Variants in CST3 observed in about 807,000 individuals in gnomAD.
CST3 encodes cystatin-C.
A neutral mutation model predicts 9.0 loss-of-function variants in CST3; 14 were observed. The ratio of observed to expected loss-of-function variants is 1.56; its 90% CI spans 1.03 to 2.44. The LOEUF (loss-of-function observed/expected upper bound fraction) is 2.44. Among genes scored for constraint, CST3 ranks in the 30% most tolerant of loss-of-function variants. CST3 has a pLI of 0.00. For synonymous variants in CST3, 96 were observed against 90.2 expected (o/e 1.06, Z -0.37); for missense variants, 237 against 204.3 (o/e 1.16, Z -0.98).
rs1285248919 is a variant in CST3 at position 23,637,835 on chromosome 20, G to A, written c.28C>T (p.Leu10Phe). The change falls in exon 1 of 3, where the codon CTC becomes TTC. Residue 10 changes from leucine to phenylalanine, a missense_variant. Physicochemically the swap from Leu to Phe is conservative, Grantham distance 22 (BLOSUM62 0). Transcript: ENST00000376925. MAGPLRAPL[L>F]LLAILAVALA... The stretch of plus-strand genomic sequence containing the variant: ...GCCACGGCCAGGATGGCCAGCAGGA[G>A]CAGCGGGGCGCGCAGGGGCCCGGCC... 6.9e-7 allele frequency: 1 copy of A among 1,450,184 alleles called. No individual in the cohort carries two copies. The highest frequency in any genetic ancestry group is 1.4e-5 in the South Asian group (1 of 69,016). 89.8% of individuals were successfully genotyped at this position (1,450,184 alleles called of 1,614,324 possible). A position where few individuals can be genotyped will look rare whatever the true frequency, so the allele number is the denominator to read the frequency against.
chr20:23,633,623 T>C (rs1027823831), downstream of CST3: 5 of 566,450 alleles, frequency 8.8e-6, no homozygotes, highest in African/African-American at 1.9e-5. Flanking sequence ...CCTGCCTGTG[T>C]GCACATCCCC....
Position 23,637,604 on chromosome 20 carries a change from G to A in CST3, c.243+16C>T. 6 of 1,507,734 alleles carry A rather than the reference G, an allele frequency of 4.0e-6. No homozygotes were observed. The highest frequency in any genetic ancestry group is 5.3e-6 in the Non-Finnish European group (6 of 1,128,512). The allele number at this position is 1,507,734 out of a possible 1,614,324, so 93.4% of individuals were successfully genotyped here. On this transcript the variant is annotated intron_variant, in intron 1 of 2. Transcript: ENST00000376925. ...GCGGGGCCGGGGCTTCGGACCCTGC[G>A]GGGGGCGGCACGCACCTGCTTGCGG...
At chr20:23,633,051 C>T (rs1379833194), downstream of CST3, among the ~76,000 whole-genome samples, 1 of 152,156 alleles carries the variant, frequency 6.6e-6, no homozygotes, top group Non-Finnish European at 1.5e-5. Context: ...CACAGCCTCC[C>T]AGGATGGATG....
Position 23,633,681 on chromosome 20 carries a change from G to T in CST3, c.*235C>A. ...AGCCGATGCTACTATTTTATTGCAG[G>T]AGGTGGGGGTGTATGCACCGCACAC... On this transcript the variant is annotated 3_prime_UTR_variant, in exon 3 of 3. Transcript: ENST00000376925. The T allele has an allele frequency of 4.9e-6, 3 of 616,060 alleles. No individual in the cohort carries two copies. In the South Asian group the frequency reaches 5.6e-5, roughly 12 times the overall value. The allele number at this position is 616,060 out of a possible 1,614,324, so 38.2% of individuals were successfully genotyped here.
chr20:23,633,023 T>C (rs895689724), downstream of CST3, among the ~76,000 whole-genome samples: 1 of 152,274 alleles, frequency 6.6e-6, no homozygotes. Context: ...GCTATGAGCC[T>C]GTAAAACTCT....
intron 2 of CST3, among the ~76,000 whole-genome samples, chr20:23,634,393 A>G (rs778615821): frequency 1.3e-5 from 2 of 152,194 alleles, no homozygotes; most frequent in Admixed American, 6.5e-5. Flanking sequence ...GGAAGAACCC[A>G]GGGAACTGGA....
At chr20:23,637,119 C>G (rs1018263687) in intron 1 of CST3, among the ~76,000 whole-genome samples, 19 of 152,246 alleles carry the variant, frequency 1.2e-4, no homozygotes, top group Non-Finnish European at 4.4e-5. Flanking sequence ...GGTGAAAGAT[C>G]TACAGGGATG....
downstream of CST3, chr20:23,629,084 G>A (rs1164526470): frequency 6.6e-6 from 1 of 152,178 alleles, no homozygotes; most frequent in Non-Finnish European, 1.5e-5. Flanking sequence ...GTCACGTGTT[G>A]TCCTCATGCC....
intron 2 of CST3, 101 bp downstream of exon 2, chr20:23,635,153 A>G: frequency 9.7e-7 from 1 of 1,033,266 alleles, no homozygotes; most frequent in Non-Finnish European, 1.5e-6. Context: ...ACTCAGGCAC[A>G]TGCACACGTA....
chr20:23,637,933 C>T lies in CST3; in HGVS notation c.-71G>A. 8.0e-7 allele frequency: 1 copy of T among 1,254,060 alleles called. No homozygotes were observed. 77.7% of individuals were successfully genotyped at this position (1,254,060 alleles called of 1,614,324 possible). A position where few individuals can be genotyped will look rare whatever the true frequency, so the allele number is the denominator to read the frequency against. ...GCTGGAGCTAGATAGAGAGGACCCG[C>T]TGCGATACCGAGGCGAGGCCGTGAG... On this transcript the variant is annotated 5_prime_UTR_variant, in exon 1 of 3. Coordinates refer to ENST00000376925, the MANE Select transcript of CST3 (RefSeq NM_000099.4).
downstream of CST3, chr20:23,631,721 C>T (rs1429399781): frequency 6.6e-6 from 1 of 152,128 alleles, no homozygotes; most frequent in Non-Finnish European, 1.5e-5. Flanking sequence ...GCTACTGGGC[C>T]CTTCCTGATC....
chr20:23,631,050 C>T (rs902387602), downstream of CST3, among the ~76,000 whole-genome samples: 6 of 151,834 alleles, frequency 4.0e-5, no homozygotes. Context: ...AATATTTCTA[C>T]TTATTGAACC....
Position 23,633,784 on chromosome 20 carries a change from C to CT in CST3, c.*131dup. On this transcript the variant is annotated 3_prime_UTR_variant, in exon 3 of 3. Transcript: ENST00000376925. ...CAACAAAGGCCGCCTGCTGCCTTCT[C>CT]TGTCTGTCTCCTGGTGCAGGCACAT... The CT allele has an allele frequency of 1.3e-6, 1 of 792,770 alleles. No individual in the cohort carries two copies. The highest frequency in any genetic ancestry group is 2.2e-6 in the Non-Finnish European group (1 of 450,416). The allele number at this position is 792,770 out of a possible 1,614,324, so 49.1% of individuals were successfully genotyped here.
At chr20:23,629,625 C>T (rs13038305), downstream of CST3, among the ~76,000 whole-genome samples, 32,021 of 151,800 alleles carry the variant, frequency 0.21, 3,588 homozygotes, top group South Asian at 0.32. Flanking sequence ...GGTTCTACCC[C>T]ACAAAGGAGC....
At chr20:23,633,293 A>G (rs1979518328), downstream of CST3, among the ~76,000 whole-genome samples, 1 of 151,696 alleles carries the variant, frequency 6.6e-6, no homozygotes, top group South Asian at 2.1e-4. Flanking sequence ...TGACCTGGCG[A>G]GCTCCACCGA....
chr20:23,631,560 C>T (rs920777691), downstream of CST3, among the ~76,000 whole-genome samples: 1 of 152,220 alleles, frequency 6.6e-6, no homozygotes. Context: ...TTGTCAGCCT[C>T]TCTTCGGCCT....
chr20:23,626,862 A>T (rs1343426059), exon 4 of CST3: 1 of 152,106 alleles, frequency 6.6e-6, no homozygotes, highest in Admixed American at 6.5e-5. Context: ...AGTTTGGGGC[A>T]TTTGCACATT....
At chr20:23,636,135 G>C (rs994479983) in intron 1 of CST3, among the ~76,000 whole-genome samples, 2 of 152,196 alleles carry the variant, frequency 1.3e-5, no homozygotes, top group African/African-American at 4.8e-5. Flanking sequence ...AATGCCCCAT[G>C]CTTCACTCCC....
Position 23,637,827 on chromosome 20 carries a change from C to T in CST3, c.36G>A (p.Leu12=). The T allele has an allele frequency of 6.8e-7, 1 of 1,478,974 alleles. No homozygotes were observed. The highest frequency in any genetic ancestry group is 8.9e-7 in the Non-Finnish European group (1 of 1,118,552). 91.6% of individuals were successfully genotyped at this position (1,478,974 alleles called of 1,614,324 possible). The change falls in exon 1 of 3, where the codon CTG becomes CTA. Residue 12 remains leucine, a synonymous_variant. Coordinates refer to ENST00000376925, the MANE Select transcript of CST3 (RefSeq NM_000099.4). Reference sequence around the variant, plus strand: ...CGGCCAGGGCCACGGCCAGGATGGCCAGCAGGAGCAGCGGGGCGCGCAGGG... The same window carrying T: ...CGGCCAGGGCCACGGCCAGGATGGCTAGCAGGAGCAGCGGGGCGCGCAGGG... The part of the protein sequence containing the change: ...AGPLRAPLLL[L]AILAVALAVS...
Sources: gnomAD v4.1 joint callset for allele counts (sites outside exome capture counted in the v4.1 genomes callset) on GRCh38, gnomAD v4.1.1 for gene constraint, MANE v1.5 for transcripts, NCBI Gene and HGNC (gene_info 2026-07-23, HGNC 2026-07-21) for gene names.